KLF16: variants seen among roughly 807,000 people sequenced by gnomAD.
KLF16 encodes KLF transcription factor 16.
KLF16 carries 6 observed loss-of-function variants against 6.1 expected under a neutral mutation model. The ratio of observed to expected loss-of-function variants is 0.98; its 90% CI spans 0.54 to 1.93. The LOEUF (loss-of-function observed/expected upper bound fraction) is 1.93, where lower values mean the gene tolerates loss of function less well. Among genes scored for constraint, KLF16 ranks in the 30% most tolerant of loss-of-function variants. The pLI is 0.01. For missense variants in KLF16, 355 were observed against 363.8 expected, an observed-to-expected ratio of 0.98 and a Z score of 0.20; for synonymous variants, 211 against 176.5, an observed-to-expected ratio of 1.20 and a Z score of -1.55.
chr19:1,863,311 G>A lies in KLF16; in HGVS notation c.187C>T (p.Pro63Ser). ...CCGGGGCCCGGGCCAGAAGCGGCGG[G>A]GGGCGGCGGGGGTGGCCCCGGGGTC... is the stretch of plus-strand genomic sequence containing the variant. ...PGTPGPPPPPPAASGPGPGAA... is the reference protein window; with the variant it reads ...PGTPGPPPPPSAASGPGPGAA... Residue 63 changes from proline (P) to serine (S), a missense_variant, in exon 1 of 2, where the codon CCC becomes TCC. By Grantham distance (74) the Pro-to-Ser change is moderately conservative (BLOSUM62 -1). Transcript: ENST00000250916. 2 of 981,874 alleles carry A rather than the reference G, an allele frequency of 2.0e-6. No individual in the cohort carries two copies. Among genetic ancestry groups the A allele is most frequent in the South Asian group, 9.1e-5 (2 of 22,056 alleles). 60.8% of individuals were successfully genotyped at this position (981,874 alleles called of 1,614,324 possible).
At chr19:1,864,330 A>T (rs969294827), upstream of KLF16, among the ~76,000 whole-genome samples, 1 of 151,976 alleles carries the variant, frequency 6.6e-6, no homozygotes, top group Non-Finnish European at 1.5e-5. Flanking sequence ...CCCCGCACTC[A>T]GGCATCTGCT....
upstream of KLF16, among the ~76,000 whole-genome samples, chr19:1,863,735 C>G (rs2012127086): frequency 7.0e-6 from 1 of 142,544 alleles, no homozygotes; most frequent in South Asian, 2.1e-4. Context: ...CTCGGGGCGC[C>G]GCAGCCACGC....
At chr19:1,870,706 T>G in the KLF16 span, among the ~76,000 whole-genome samples, 3 of 152,014 alleles carry the variant, frequency 2.0e-5, no homozygotes, top group African/African-American at 7.2e-5. Context: ...GAAAGATTCC[T>G]GATTCCTGGC....
the KLF16 span, among the ~76,000 whole-genome samples, chr19:1,872,648 G>A: frequency 6.6e-6 from 1 of 152,216 alleles, no homozygotes; most frequent in Non-Finnish European, 1.5e-5. Flanking sequence ...GGTGCTCGCT[G>A]TCTGGCCGGG....
At chr19:1,864,550 G>T (rs1255148151), upstream of KLF16, among the ~76,000 whole-genome samples, 1 of 152,178 alleles carries the variant, frequency 6.6e-6, no homozygotes. Context: ...GTCGGGATAG[G>T]GGGACGGGAA....
intron 1 of KLF16, among the ~76,000 whole-genome samples, chr19:1,862,178 C>G (rs1372883326): frequency 6.6e-6 from 1 of 151,888 alleles, no homozygotes; most frequent in Non-Finnish European, 1.5e-5. Flanking sequence ...CCCCTGTTGC[C>G]CAGTCCAAAC....
chr19:1,854,858 C>A, intron 1 of KLF16, 98 bp from the exon 2 acceptor site: 1 of 1,364,448 alleles, frequency 7.3e-7, no homozygotes, highest in Non-Finnish European at 1.0e-6. Context: ...GCATTTGTCC[C>A]GTGCCGTTTT....
chr19:1,872,516 G>A, the KLF16 span, among the ~76,000 whole-genome samples: 3 of 152,194 alleles, frequency 2.0e-5, no homozygotes, highest in Non-Finnish European at 4.4e-5. Flanking sequence ...CCCTCCGTGA[G>A]GCTATTGGGG....
chr19:1,863,255 G>A lies in KLF16; in HGVS notation c.243C>T (p.Ala81=). 2.9e-6 allele frequency: 3 copies of A among 1,038,798 alleles called. No individual in the cohort carries two copies. Among genetic ancestry groups the A allele is most frequent in the Non-Finnish European group, 2.3e-6 (2 of 864,758 alleles). The allele number at this position is 1,038,798 out of a possible 1,614,324, so 64.3% of individuals were successfully genotyped here. A position where few individuals can be genotyped will look rare whatever the true frequency, so the allele number is the denominator to read the frequency against. ...GAAAAPHLLA[A]SILADLRGGP... ...CGCCGCGCAGGTCGGCCAGGATGCT[G>A]GCGGCCAGCAGGTGGGGCGCCGCGG... is the stretch of plus-strand genomic sequence containing the variant. Residue 81 remains alanine, a synonymous_variant, in exon 1 of 2, where the codon GCC becomes GCT. Transcript: ENST00000250916.
rs1329603960 is a variant in KLF16, at chr19:1,854,650, G to A, written c.568C>T (p.Pro190Ser). 5.6e-6 allele frequency: 9 copies of A among 1,599,774 alleles called. No individual in the cohort carries two copies. Among genetic ancestry groups the A allele is most frequent in the Non-Finnish European group, 7.6e-6 (9 of 1,179,510 alleles). The change falls in exon 2 of 2, where the codon CCT becomes TCT. Residue 190 changes from proline to serine, a missense_variant. Physicochemically the swap from Pro to Ser is moderately conservative, Grantham distance 74. Transcript: ENST00000250916. ...CGGGTGAAGCGCTTGGAGCACAGAGGGCAGGAGAAGCGCTTCTCGCCCGTG... is the reference window on the plus strand; with the variant it reads ...CGGGTGAAGCGCTTGGAGCACAGAGAGCAGGAGAAGCGCTTCTCGCCCGTG... Reference protein sequence around the residue: ...THTGEKRFSCPLCSKRFTRSD... With the variant: ...THTGEKRFSCSLCSKRFTRSD...
chr19:1,871,262 A>T, the KLF16 span, among the ~76,000 whole-genome samples: 1 of 152,188 alleles, frequency 6.6e-6, no homozygotes, highest in South Asian at 2.1e-4. Flanking sequence ...CAGGCTGTTT[A>T]TTCACGGATG....
rs1281774843 is a variant in KLF16 at position 1,857,892 on chromosome 19, G to A, written c.458-3132C>T. On this transcript the variant is annotated intron_variant, in intron 1 of 1. Coordinates refer to ENST00000250916, the MANE Select transcript of KLF16 (RefSeq NM_031918.4). The surrounding 1 kb of genome is among the most constrained non-coding windows in gnomAD (Gnocchi z 4.7). ...TTGAGCAGGTTCTATAGAACCTATA[G>A]GCAGCTGCTTCTGGGAGCCGCTGCA... Among the ~76,000 whole-genome samples, 1 of 152,072 alleles carries A rather than the reference G, an allele frequency of 6.6e-6. No homozygotes were observed. The highest frequency in any genetic ancestry group is 2.4e-5 in the African/African-American group (1 of 41,378).
chr19:1,871,411 G>T, the KLF16 span, among the ~76,000 whole-genome samples: 1 of 152,170 alleles, frequency 6.6e-6, no homozygotes, highest in East Asian at 1.9e-4. Context: ...ACCCATTTGA[G>T]TATCTGACGG....
At chr19:1,873,714 C>T in the KLF16 span, among the ~76,000 whole-genome samples, 7 of 152,230 alleles carry the variant, frequency 4.6e-5, no homozygotes, top group Non-Finnish European at 7.4e-5. Flanking sequence ...GGAGAGCGCG[C>T]GTCCTGGAAT....
the KLF16 span, chr19:1,876,290 G>C: frequency 3.9e-5 from 6 of 152,480 alleles, no homozygotes; most frequent in Admixed American, 6.5e-5. Context: ...ACTAGAGCTA[G>C]CTGGATGCAG....
rs2011857986 is a variant in KLF16 at position 1,852,619 on chromosome 19, G to C, written c.*1840C>G. On this transcript the variant is annotated 3_prime_UTR_variant, in exon 2 of 2. Coordinates refer to ENST00000250916, the MANE Select transcript of KLF16 (RefSeq NM_031918.4). ...CACTGGAGAGGGGCCCAGTTATAGAGTTCTGGAACCCACAGCCCTACCTAC... is the reference window on the plus strand; with the variant it reads ...CACTGGAGAGGGGCCCAGTTATAGACTTCTGGAACCCACAGCCCTACCTAC... 1 of 152,140 alleles carries C rather than the reference G, an allele frequency of 6.6e-6. No homozygotes were observed. The highest frequency in any genetic ancestry group is 1.5e-5 in the Non-Finnish European group (1 of 68,046). 9.4% of individuals were successfully genotyped at this position (152,140 alleles called of 1,614,324 possible).
intron 1 of KLF16, among the ~76,000 whole-genome samples, chr19:1,854,978 T>C (rs2011918871): frequency 6.6e-6 from 1 of 152,062 alleles, no homozygotes; most frequent in African/African-American, 2.4e-5. Context: ...TCCTCTTATT[T>C]CCTACCAGCT....
chr19:1,861,733 AC>A (rs1266444711), intron 1 of KLF16: 1 of 151,954 alleles, frequency 6.6e-6, no homozygotes. Context: ...GCTACACACC[AC>A]CGCCCCCACC....
chr19:1,854,877 A>C (rs2011916384), intron 1 of KLF16, 117 bp from the exon 2 acceptor site: 5 of 1,104,326 alleles, frequency 4.5e-6, no homozygotes, highest in Non-Finnish European at 6.5e-6. Context: ...TTAGAGGCTG[A>C]GCTCTGGTGT....
Sources: allele counts gnomAD v4.1 joint callset (sites outside exome capture counted in the v4.1 genomes callset), GRCh38; gene constraint gnomAD v4.1.1; non-coding constraint Gnocchi (gnomAD v3.1); transcripts MANE v1.5; gene names NCBI Gene and HGNC (gene_info 2026-07-23, HGNC 2026-07-21).